The following NEDD4L variants were observed in gnomAD, a reference collection of about 807,000 sequenced individuals.
NEDD4L encodes NEDD4 like E3 ubiquitin protein ligase, also known as E3 ubiquitin-protein ligase NEDD4-like.
A neutral mutation model predicts 148.9 loss-of-function variants in NEDD4L; 54 were observed. The ratio of observed to expected loss-of-function variants is 0.36; its 90% CI spans 0.29 to 0.45. NEDD4L has a LOEUF of 0.45. Among genes scored for constraint, NEDD4L ranks in the 20% least tolerant of loss-of-function variants. The pLI is 1.00. For synonymous variants in NEDD4L, 433 were observed against 440.7 expected, an observed-to-expected ratio of 0.98 and a Z score of 0.22; for missense variants, 856 against 1,233.8, an observed-to-expected ratio of 0.69 and a Z score of 4.59.
intron 1 of NEDD4L, among the ~76,000 whole-genome samples, chr18:58,051,180 C>T (rs1173660300): frequency 6.6e-6 from 1 of 152,074 alleles, no homozygotes; most frequent in Non-Finnish European, 1.5e-5. Flanking sequence ...ATGGCTTGAG[C>T]CTGGGAGGTT....
At chr18:58,282,786 T>C (rs1048734546) in intron 5 of NEDD4L, among the ~76,000 whole-genome samples, 2 of 152,184 alleles carry the variant, frequency 1.3e-5, no homozygotes, top group Non-Finnish European at 2.9e-5. Context: ...TAAGGAAATA[T>C]AGAGAACACA....
chr18:58,076,428 A>G (rs1409115486), intron 1 of NEDD4L, among the ~76,000 whole-genome samples: 2 of 152,210 alleles, frequency 1.3e-5, no homozygotes, highest in Admixed American at 1.3e-4. Flanking sequence ...GCTTGAGTCT[A>G]TTAACCAGAA....
intron 5 of NEDD4L, among the ~76,000 whole-genome samples, chr18:58,258,839 A>G (rs2048956897): frequency 6.6e-6 from 1 of 152,224 alleles, no homozygotes; most frequent in African/African-American, 2.4e-5. Context: ...TGCATTTCAT[A>G]TGGACAGGGG....
At chr18:58,174,183 G>A (rs2037833226) in intron 2 of NEDD4L, among the ~76,000 whole-genome samples, 1 of 150,988 alleles carries the variant, frequency 6.6e-6, no homozygotes, top group Non-Finnish European at 1.5e-5. Context: ...GTGGAGAGGG[G>A]CTGCAGTCAG....
chr18:58,394,458 C>T (rs949692894), intron 30 of NEDD4L, among the ~76,000 whole-genome samples: 1 of 152,234 alleles, frequency 6.6e-6, no homozygotes, highest in African/African-American at 2.4e-5. Context: ...CCTGAGACCC[C>T]CATAGGGATT....
chr18:58,392,318 G>A (rs1269136107), intron 30 of NEDD4L, among the ~76,000 whole-genome samples: 5 of 152,238 alleles, frequency 3.3e-5, no homozygotes, highest in African/African-American at 1.2e-4. Flanking sequence ...GGAAAACGGT[G>A]AGCAGCGTAG....
At position 58,239,755 on chromosome 18, in the gene NEDD4L, G is replaced by A. The variant is rs140241317; in HGVS notation, c.123-5672G>A. On this transcript the variant is annotated intron_variant, in intron 2 of 30. Transcript: ENST00000400345. ...CTCCCTGACAGATGACCTCGTCTGC[G>A]CTGTCTTTTGCTTCATGGTGATGAA... is the stretch of plus-strand genomic sequence containing the variant. 9.7e-4 allele frequency among the ~76,000 whole-genome samples: 148 copies of A among 152,228 alleles called. 1 individual carries two copies. Among genetic ancestry groups the A allele is most frequent in the African/African-American group, 3.3e-3 (138 of 41,518 alleles).
At position 58,400,808 on chromosome 18, in the gene NEDD4L, T is replaced by C. The variant is rs1181130210; in HGVS notation, c.*4539T>C. On this transcript the variant is annotated 3_prime_UTR_variant, in exon 31 of 31. Coordinates refer to ENST00000400345, the MANE Select transcript of NEDD4L (RefSeq NM_001144967.3). ...TCCCGTGTAAGCCAGTTTTCCCCTT[T>C]TACTCAGACTGATTTCACCTAGATT... is the stretch of plus-strand genomic sequence containing the variant. 6.6e-6 allele frequency: 1 copy of C among 152,218 alleles called. No individual in the cohort carries two copies. The highest frequency in any genetic ancestry group is 1.5e-5 in the Non-Finnish European group (1 of 68,042). The allele number at this position is 152,218 out of a possible 1,614,324, so 9.4% of individuals were successfully genotyped here.
At chr18:58,068,510 A>G (rs1482454312) in intron 1 of NEDD4L, among the ~76,000 whole-genome samples, 2 of 152,178 alleles carry the variant, frequency 1.3e-5, no homozygotes, top group Non-Finnish European at 2.9e-5. Flanking sequence ...AACTCCTAGA[A>G]TTCTTAAACA....
intron 2 of NEDD4L, among the ~76,000 whole-genome samples, chr18:58,212,835 G>T (rs1195649538): frequency 2.0e-5 from 3 of 152,132 alleles, no homozygotes; most frequent in African/African-American, 7.2e-5. Flanking sequence ...GATCAAGAAG[G>T]GATATTTGAA....
chr18:58,329,225 G>T, intron 10 of NEDD4L, 98 bp downstream of exon 10: 2 of 1,329,432 alleles, frequency 1.5e-6, no homozygotes, highest in East Asian at 2.5e-5. Flanking sequence ...AGTAAACATT[G>T]TTGAGAATGT....
intron 1 of NEDD4L, among the ~76,000 whole-genome samples, chr18:58,087,542 C>T (rs988895816): frequency 2.0e-5 from 3 of 152,058 alleles, no homozygotes; most frequent in Admixed American, 1.3e-4. Context: ...TATGTGTTGC[C>T]GCAGTACAGA....
intron 24 of NEDD4L, among the ~76,000 whole-genome samples, chr18:58,381,385 C>T (rs576417878): frequency 6.6e-6 from 1 of 152,168 alleles, no homozygotes; most frequent in African/African-American, 2.4e-5. Context: ...GTGGCCGACC[C>T]GCTCATTCAG....
intron 18 of NEDD4L, 73 bp from the exon 19 acceptor site, chr18:58,357,116 TCCTTC>T: frequency 7.6e-7 from 1 of 1,317,276 alleles, no homozygotes; most frequent in Non-Finnish European, 1.1e-6. Flanking sequence ...CAGAAATACT[TCCTTC>T]CAAAACTTTC....
Position 58,252,115 on chromosome 18 carries a change from A to G in NEDD4L, c.297+61A>G. 1.9e-6 allele frequency: 2 copies of G among 1,067,904 alleles called. 1 individual carries two copies. Among genetic ancestry groups the G allele is most frequent in the Non-Finnish European group, 2.9e-6 (2 of 683,234 alleles). The allele number at this position is 1,067,904 out of a possible 1,614,324, so 66.2% of individuals were successfully genotyped here. A position where few individuals can be genotyped will look rare whatever the true frequency, so the allele number is the denominator to read the frequency against. Reference sequence around the variant, plus strand: ...TTTTTATTAACTGGATTTTCAGAGCAGCGTCTTTAAAACTCTGTGTTTATG... The same window carrying G: ...TTTTTATTAACTGGATTTTCAGAGCGGCGTCTTTAAAACTCTGTGTTTATG... On this transcript the variant is annotated intron_variant, in intron 5 of 30. Transcript: ENST00000400345.
At chr18:58,346,906 C>A (rs1354355570) in intron 16 of NEDD4L, among the ~76,000 whole-genome samples, 1 of 151,742 alleles carries the variant, frequency 6.6e-6, no homozygotes, top group African/African-American at 2.4e-5. Context: ...TGTGCCCTGG[C>A]AACTAAGGAG....
chr18:58,343,743 T>C (rs1009255037), intron 16 of NEDD4L, among the ~76,000 whole-genome samples: 1 of 152,250 alleles, frequency 6.6e-6, no homozygotes, highest in Non-Finnish European at 1.5e-5. Flanking sequence ...TTGTATTATC[T>C]TGAGCAAAAT....
At chr18:58,066,387 G>GGTTTTTT (rs1434270558) in intron 1 of NEDD4L, among the ~76,000 whole-genome samples, 1 of 112,106 alleles carries the variant, frequency 8.9e-6, no homozygotes, top group Non-Finnish European at 1.8e-5. Flanking sequence ...CTCTGTATTA[G>GGTTTTTT]TTTTTTTTTT....
chr18:58,264,773 C>T (rs759364224), intron 5 of NEDD4L, among the ~76,000 whole-genome samples: 3 of 152,068 alleles, frequency 2.0e-5, no homozygotes, highest in Non-Finnish European at 2.9e-5. Context: ...AACACTAGAA[C>T]TTACTCCTTC....
Sources: allele counts gnomAD v4.1 joint callset (sites outside exome capture counted in the v4.1 genomes callset), GRCh38; gene constraint gnomAD v4.1.1; transcripts MANE v1.5; gene names NCBI Gene and HGNC (gene_info 2026-07-23, HGNC 2026-07-21).